USH2A: variants seen among roughly 807,000 people sequenced by gnomAD.
USH2A encodes the protein usherin.
A neutral mutation model predicts 538.9 loss-of-function variants in USH2A; 443 were observed. That is an observed-to-expected ratio of 0.82 (90% confidence interval 0.76 to 0.89). The LOEUF (loss-of-function observed/expected upper bound fraction) is 0.89, where lower values mean the gene tolerates loss of function less well. Ranked by LOEUF, USH2A falls within the 40% of genes least tolerant of loss-of-function variation. The probability of loss-of-function intolerance (pLI) is 0.00; values close to 1 mark genes in which losing one functional copy is unlikely to be tolerated. For missense variants in USH2A, 6,633 were observed against 6,324.8 expected, an observed-to-expected ratio of 1.05 and a Z score of -1.65; for synonymous variants, 2,413 against 2,273.5, an observed-to-expected ratio of 1.06 and a Z score of -1.75.
chr1:216,233,201 C>T lies in USH2A; in HGVS notation c.2810-1065G>A, dbSNP rs77847319. Reference sequence around the variant, plus strand: ...CCCAGCTACGTCTCTAGCTTTAGCTCATGGCTCATCCCCCCGCTCAGTCCA... The same window carrying T: ...CCCAGCTACGTCTCTAGCTTTAGCTTATGGCTCATCCCCCCGCTCAGTCCA... On this transcript the variant is annotated intron_variant, in intron 13 of 71. Coordinates refer to ENST00000307340, the MANE Select transcript of USH2A (RefSeq NM_206933.4). 8.8e-3 allele frequency among the ~76,000 whole-genome samples: 1,340 copies of T among 152,262 alleles called. 20 individuals carry two copies. The highest frequency in any genetic ancestry group is 0.031 in the African/African-American group (1,295 of 41,562).
At position 216,107,749 on chromosome 1, in the gene USH2A, AG is replaced by A. The variant is rs1177563887; in HGVS notation, c.4628-10537del. Among the ~76,000 whole-genome samples the A allele has an allele frequency of 1.6e-3, 239 of 148,412 alleles. 3 individuals are homozygous for A. In the East Asian group the frequency reaches 0.03, roughly 18 times the overall value. ...TGCCTTCCCTACCTTGTTATGGATT[AG>A]AGGAGTTACCTTAACATTCCATTTT... On this transcript the variant is annotated intron_variant, in intron 21 of 71. Transcript: ENST00000307340.
chr1:216,131,522 G>T (rs999882063), intron 21 of USH2A, among the ~76,000 whole-genome samples: 7 of 151,854 alleles, frequency 4.6e-5, no homozygotes, highest in African/African-American at 1.7e-4. Flanking sequence ...TTCTCCTACA[G>T]TTAAAATGGT....
chr1:215,879,951 T>C (rs1025184775), intron 41 of USH2A, among the ~76,000 whole-genome samples: 1 of 152,222 alleles, frequency 6.6e-6, no homozygotes, highest in Non-Finnish European at 1.5e-5. Flanking sequence ...TCTAGTGCTC[T>C]TTATATAAAT....
At chr1:216,341,861 A>G (rs1040466656) in intron 4 of USH2A, among the ~76,000 whole-genome samples, 2 of 152,172 alleles carry the variant, frequency 1.3e-5, no homozygotes, top group Non-Finnish European at 2.9e-5. Flanking sequence ...TGGATTAAAG[A>G]CTTAATTGCA....
chr1:216,012,087 C>T lies in USH2A; in HGVS notation c.6326-11525G>A, dbSNP rs1296442818. 7.2e-5 allele frequency among the ~76,000 whole-genome samples: 6 copies of T among 82,872 alleles called. 2 individuals carry two copies. The highest frequency in any genetic ancestry group is 1.3e-4 in the Non-Finnish European group (5 of 38,618). 54.4% of individuals were successfully genotyped at this position (82,872 alleles called of 152,430 possible). A position where few individuals can be genotyped will look rare whatever the true frequency, so the allele number is the denominator to read the frequency against. ...CTGCAAGCTCCGCTTCCCGGGTTCA[C>T]GCCATTCTCCTGCCTCAGCCTCCCC... On this transcript the variant is annotated intron_variant, in intron 32 of 71. Transcript: ENST00000307340.
At chr1:215,866,271 A>G (rs921195868) in intron 44 of USH2A, among the ~76,000 whole-genome samples, 2 of 152,184 alleles carry the variant, frequency 1.3e-5, no homozygotes, top group Non-Finnish European at 2.9e-5. Context: ...ATCACAACAA[A>G]TTAACATGTT....
chr1:215,890,487 G>A (rs1665180171), intron 40 of USH2A, among the ~76,000 whole-genome samples: 1 of 152,228 alleles, frequency 6.6e-6, no homozygotes, highest in Middle Eastern at 3.4e-3. Context: ...CGAAGCAAAA[G>A]ATGTTATAGT....
At chr1:216,400,426 G>T (rs1303217990) in intron 3 of USH2A, among the ~76,000 whole-genome samples, 3 of 151,510 alleles carry the variant, frequency 2.0e-5, no homozygotes, top group African/African-American at 7.3e-5. Flanking sequence ...CTTGAAGAGA[G>T]CTTCAAGAAC....
chr1:216,344,720 T>C lies in USH2A; in HGVS notation c.785-17066A>G, dbSNP rs557016125. Among the ~76,000 whole-genome samples the C allele has an allele frequency of 9.2e-4, 139 of 151,792 alleles. 1 individual carries two copies. Among genetic ancestry groups the C allele is most frequent in the African/African-American group, 3.2e-3 (133 of 41,414 alleles). ...AATTTAGGGGCGTTAGAGTCTCTCTTAAGACAGAGGTGGTTAAAGGCCCCT... is the reference window on the plus strand; with the variant it reads ...AATTTAGGGGCGTTAGAGTCTCTCTCAAGACAGAGGTGGTTAAAGGCCCCT... On this transcript the variant is annotated intron_variant, in intron 4 of 71. Coordinates refer to ENST00000307340, the MANE Select transcript of USH2A (RefSeq NM_206933.4).
At chr1:215,793,645 C>T (rs978299586) in intron 50 of USH2A, among the ~76,000 whole-genome samples, 1 of 152,122 alleles carries the variant, frequency 6.6e-6, no homozygotes, top group African/African-American at 2.4e-5. Context: ...CCATGGACTT[C>T]TGTAATTATA....
chr1:215,950,558 G>T (rs1462098832), intron 37 of USH2A, among the ~76,000 whole-genome samples: 1 of 149,148 alleles, frequency 6.7e-6, no homozygotes, highest in Non-Finnish European at 1.5e-5. Context: ...CCAGGCTGGG[G>T]TGCAATGGCG....
At chr1:216,020,264 C>A (rs1364265777) in intron 32 of USH2A, among the ~76,000 whole-genome samples, 3 of 152,070 alleles carry the variant, frequency 2.0e-5, no homozygotes, top group Non-Finnish European at 4.4e-5. Context: ...TGATCAAACA[C>A]CAATCTAAAT....
intron 64 of USH2A, among the ~76,000 whole-genome samples, chr1:215,662,937 G>A (rs866515349): frequency 6.6e-6 from 1 of 152,202 alleles, no homozygotes; most frequent in South Asian, 2.1e-4. Context: ...GGGTAAGGGT[G>A]ACAGCAATAG....
At chr1:216,330,885 T>C (rs1212537493) in intron 4 of USH2A, among the ~76,000 whole-genome samples, 1 of 152,052 alleles carries the variant, frequency 6.6e-6, no homozygotes, top group Admixed American at 6.6e-5. Context: ...AGGTGTACCT[T>C]TCAATGCTGA....
rs903508348 is a variant in USH2A at position 216,232,106 on chromosome 1, C to T, written c.2840G>A (p.Gly947Asp). 7.4e-6 allele frequency: 12 copies of T among 1,613,486 alleles called. No homozygotes were observed. The highest frequency in any genetic ancestry group is 1.0e-5 in the Non-Finnish European group (12 of 1,179,766). ...TGTATGGCATGAGCATGGCAGGCAG[C>T]CAGTGGCATTGCCTGGAGAAATATA... ...GFYISPGNATGCLPCSCHTTG... is the reference protein window; with the variant it reads ...GFYISPGNATDCLPCSCHTTG... The change falls in exon 14 of 72, where the codon GGC (glycine) becomes GAC (aspartate). Residue 947 changes from glycine (G) to aspartate (D), a missense_variant. Transcript: ENST00000307340.
Position 215,655,999 on chromosome 1 carries a change from G to A in USH2A, c.14134-5198C>T, listed in dbSNP as rs968603822. The stretch of plus-strand genomic sequence containing the variant: ...TCTGCCCACCTCCGCCTCACAAAGT[G>A]CTGGGATTATAGGCGTAAGCCACCG... On this transcript the variant is annotated intron_variant, in intron 64 of 71. Coordinates refer to ENST00000307340, the MANE Select transcript of USH2A (RefSeq NM_206933.4). Among the ~76,000 whole-genome samples the A allele has an allele frequency of 2.0e-5, 3 of 152,134 alleles. No homozygotes were observed. In the South Asian group the frequency reaches 6.2e-4, roughly 32 times the overall value.
At chr1:215,908,082 A>G (rs909570963) in intron 38 of USH2A, among the ~76,000 whole-genome samples, 5 of 152,022 alleles carry the variant, frequency 3.3e-5, no homozygotes, top group African/African-American at 1.2e-4. Context: ...CATTCATTTT[A>G]TCATTCGTTT....
chr1:216,079,678 C>T (rs1028077654), intron 26 of USH2A, among the ~76,000 whole-genome samples: 2 of 152,098 alleles, frequency 1.3e-5, no homozygotes, highest in South Asian at 4.1e-4. Context: ...AACTCATATT[C>T]TTCCCAGTAT....
At chr1:215,913,997 T>A (rs943971087) in intron 38 of USH2A, among the ~76,000 whole-genome samples, 19 of 149,746 alleles carry the variant, frequency 1.3e-4, no homozygotes, top group Admixed American at 4.7e-4. Context: ...CAAAGCTGAA[T>A]AATGAAGGAA....
Sources: gnomAD v4.1 joint callset for allele counts (sites outside exome capture counted in the v4.1 genomes callset) on GRCh38, gnomAD v4.1.1 for gene constraint, MANE v1.5 for transcripts, NCBI Gene and HGNC (gene_info 2026-07-23, HGNC 2026-07-21) for gene names.